The following AK5 variants were observed in gnomAD, a reference collection of about 807,000 sequenced individuals.
The protein encoded by AK5 is adenylate kinase isoenzyme 5.
AK5 carries 27 observed loss-of-function variants against 69.5 expected under a neutral mutation model. That is an observed-to-expected ratio of 0.39 (90% CI 0.29 to 0.54). The LOEUF is 0.54. Among genes scored for constraint, AK5 ranks in the 20% least tolerant of loss-of-function variants. AK5 has a pLI of 0.71. For missense variants in AK5, 531 were observed against 700.4 expected (o/e 0.76, Z 2.73); for synonymous variants, 260 against 244.4 (o/e 1.06, Z -0.60).
intron 8 of AK5, among the ~76,000 whole-genome samples, chr1:77,429,161 C>G (rs1197337385): frequency 6.6e-6 from 1 of 152,006 alleles, no homozygotes. Flanking sequence ...GTTCTAGATC[C>G]CTGAGGAATC....
intron 10 of AK5, among the ~76,000 whole-genome samples, chr1:77,486,775 G>C (rs896651832): frequency 2.6e-5 from 4 of 151,754 alleles, no homozygotes; most frequent in South Asian, 2.1e-4. Flanking sequence ...GGTCAAAATA[G>C]TACCCCAAGT....
At chr1:77,400,933 TAAAAAAAA>T (rs71689422) in intron 6 of AK5, among the ~76,000 whole-genome samples, 2 of 115,320 alleles carry the variant, frequency 1.7e-5, no homozygotes, top group South Asian at 2.9e-4. Flanking sequence ...TTCATTCTGT[TAAAAAAAA>T]AAAAAAAAAA....
intron 9 of AK5, among the ~76,000 whole-genome samples, chr1:77,486,030 G>C (rs1017047052): frequency 3.9e-5 from 6 of 152,098 alleles, no homozygotes; most frequent in Non-Finnish European, 7.4e-5. Flanking sequence ...CAGGAGAATG[G>C]CTTGAACCTG....
In AK5 at chr1:77,325,167, T is replaced by TTG. The variant is rs1213371922; in HGVS notation, c.700-15209_700-15208insGT. 1.2e-4 allele frequency among the ~76,000 whole-genome samples: 15 copies of TTG among 124,284 alleles called. No individual in the cohort carries two copies. The East Asian group carries it at 2.6e-3, about 22-fold the overall frequency. The allele number at this position is 124,284 out of a possible 152,430, so 81.5% of individuals were successfully genotyped here. A position where few individuals can be genotyped will look rare whatever the true frequency, so the allele number is the denominator to read the frequency against. The stretch of plus-strand genomic sequence containing the variant: ...TAATTTTTGTAGGTTTTTTGTTTTT[T>TTG]TTTTTTTTTGTATTTTGTATTTTTT... On this transcript the variant is annotated intron_variant, in intron 5 of 13. Coordinates refer to ENST00000354567, the MANE Select transcript of AK5 (RefSeq NM_174858.3).
At position 77,287,107 on chromosome 1, in the gene AK5, G is replaced by A. The variant is rs751153431; in HGVS notation, c.227G>A (p.Arg76Gln). Reference protein sequence around the residue: ...TLPPLNGGQSRRSFLRNVMPE... With the variant: ...TLPPLNGGQSQRSFLRNVMPE... The stretch of plus-strand genomic sequence containing the variant: ...CCTCCACTAAATGGAGGACAGTCAC[G>A]GAGATCCTTTCTAAGAAATGGTAAT... The change falls in exon 2 of 14, where the codon CGG becomes CAG. Residue 76 changes from arginine to glutamine, a missense_variant. By Grantham distance (43) the Arg-to-Gln change is conservative. Coordinates refer to ENST00000354567, the MANE Select transcript of AK5 (RefSeq NM_174858.3). 5.1e-6 allele frequency: 8 copies of A among 1,569,342 alleles called. No individual in the cohort carries two copies. The highest frequency in any genetic ancestry group is 1.2e-5 in the South Asian group (1 of 83,676).
At chr1:77,508,281 G>A (rs559406127) in intron 10 of AK5, among the ~76,000 whole-genome samples, 4 of 152,094 alleles carry the variant, frequency 2.6e-5, no homozygotes, top group Non-Finnish European at 5.9e-5. Context: ...AATTGCAGAT[G>A]TCTGTACACT....
intron 5 of AK5, among the ~76,000 whole-genome samples, chr1:77,338,793 G>T (rs12062754): frequency 0.17 from 25,439 of 152,128 alleles, 2,259 homozygotes; most frequent in South Asian, 0.27. Flanking sequence ...AGTAAATGTG[G>T]CTAAAATGTA....
At chr1:77,441,893 G>A (rs1208156013) in intron 8 of AK5, among the ~76,000 whole-genome samples, 1 of 152,142 alleles carries the variant, frequency 6.6e-6, no homozygotes, top group Non-Finnish European at 1.5e-5. Context: ...AGCGTTGGAG[G>A]TAGGTTGTTC....
chr1:77,485,996 TC>T (rs1174149531), intron 9 of AK5, among the ~76,000 whole-genome samples: 4 of 151,978 alleles, frequency 2.6e-5, no homozygotes, highest in African/African-American at 9.7e-5. Flanking sequence ...ATGCCTATAA[TC>T]CCAGCTATCC....
intron 5 of AK5, among the ~76,000 whole-genome samples, chr1:77,303,379 C>T (rs73002568): frequency 0.067 from 10,211 of 152,230 alleles, 432 homozygotes; most frequent in Non-Finnish European, 0.085. Context: ...TTGTTAAGTC[C>T]TTCAAAATAA....
intron 8 of AK5, among the ~76,000 whole-genome samples, chr1:77,427,028 C>G: frequency 6.6e-6 from 1 of 152,022 alleles, no homozygotes; most frequent in Admixed American, 6.5e-5. Flanking sequence ...TTTGTATATA[C>G]ATTGAATTCA....
Position 77,521,830 on chromosome 1 carries a change from A to G in AK5, c.1315A>G (p.Ile439Val), listed in dbSNP as rs61755974. 3 of 1,612,250 alleles carry G rather than the reference A, an allele frequency of 1.9e-6. No homozygotes were observed. Among genetic ancestry groups the G allele is most frequent in the Non-Finnish European group, 2.5e-6 (3 of 1,178,608 alleles). ...GACCACTCTCGCTTTGCTCCAGGGC[A>G]TCGTTTTGGAGCTCCTGAAGGAGGC... Reference protein sequence around the residue: ...MERGDLVPSGIVLELLKEAMV... With the variant: ...MERGDLVPSGVVLELLKEAMV... The change falls in exon 12 of 14, where the codon ATC becomes GTC. Residue 439 changes from isoleucine to valine, a missense_variant. Physicochemically the swap from Ile to Val is conservative, Grantham distance 29. Transcript: ENST00000354567.
chr1:77,366,961 C>T (rs949143601), intron 6 of AK5, among the ~76,000 whole-genome samples: 4 of 151,972 alleles, frequency 2.6e-5, no homozygotes, highest in Admixed American at 1.3e-4. Flanking sequence ...TAAATGTCAA[C>T]GGTCTACCTG....
At chr1:77,331,789 A>G (rs1392670804) in intron 5 of AK5, among the ~76,000 whole-genome samples, 1 of 152,172 alleles carries the variant, frequency 6.6e-6, no homozygotes, top group African/African-American at 2.4e-5. Flanking sequence ...ATTGGTTTCT[A>G]GTACATTTCA....
Position 77,391,385 on chromosome 1 carries a change from A to AT in AK5, c.892-19596_892-19595insT, listed in dbSNP as rs1557553745. ...GTCTGTCTCAGTACTTTATGCAAAA[A>AT]AAAAAATATATATATATATACACAC... On this transcript the variant is annotated intron_variant, in intron 6 of 13. Coordinates refer to ENST00000354567, the MANE Select transcript of AK5 (RefSeq NM_174858.3). Among the ~76,000 whole-genome samples, 12 of 143,256 alleles carry AT rather than the reference A, an allele frequency of 8.4e-5. 1 individual carries two copies. The highest frequency in any genetic ancestry group is 2.7e-4 in the African/African-American group (10 of 36,874). The allele number at this position is 143,256 out of a possible 152,430, so 94.0% of individuals were successfully genotyped here. A position where few individuals can be genotyped will look rare whatever the true frequency, so the allele number is the denominator to read the frequency against.
intron 8 of AK5, among the ~76,000 whole-genome samples, chr1:77,468,614 T>C (rs946582251): frequency 1.3e-5 from 2 of 152,262 alleles, no homozygotes; most frequent in African/African-American, 2.4e-5. Context: ...TTTGGCAGTT[T>C]TCTTTTTTCT....
At chr1:77,367,639 G>GTTATATATATGTTATATATA (rs1646993220) in intron 6 of AK5, among the ~76,000 whole-genome samples, 1 of 56,972 alleles carries the variant, frequency 1.8e-5, no homozygotes, top group African/African-American at 6.3e-5. Flanking sequence ...TAATATATAT[G>GTTATATATATGTTATATATA]TTATGTTATA....
intron 8 of AK5, among the ~76,000 whole-genome samples, chr1:77,452,356 T>C (rs1239090897): frequency 1.3e-5 from 2 of 152,230 alleles, no homozygotes; most frequent in African/African-American, 4.8e-5. Context: ...AAGGATAGCA[T>C]TGCAATATTC....
chr1:77,495,352 A>G (rs375760146), intron 10 of AK5, among the ~76,000 whole-genome samples: 2 of 152,346 alleles, frequency 1.3e-5, no homozygotes, highest in Admixed American at 6.5e-5. Context: ...TGCCATAATT[A>G]TTTGAATAAG....
Sources: gnomAD v4.1 joint callset for allele counts (sites outside exome capture counted in the v4.1 genomes callset) on GRCh38, gnomAD v4.1.1 for gene constraint, MANE v1.5 for transcripts, NCBI Gene and HGNC (gene_info 2026-07-23, HGNC 2026-07-21) for gene names.